The following SPAG9 variants were observed in gnomAD, a reference collection of about 807,000 sequenced individuals.
SPAG9 encodes the protein sperm associated antigen 9.
A neutral mutation model predicts 166.5 loss-of-function variants in SPAG9; 35 were observed. The ratio of observed to expected loss-of-function variants is 0.21; its 90% confidence interval spans 0.16 to 0.28. The LOEUF is 0.28. Among genes scored for constraint, SPAG9 ranks in the 10% least tolerant of loss-of-function variants. The pLI, the probability that SPAG9 is intolerant of heterozygous loss-of-function variation, is 1.00. For missense variants in SPAG9, 1,235 were observed against 1,603.3 expected, an observed-to-expected ratio of 0.77 and a Z score of 3.92; for synonymous variants, 534 against 565.5, an observed-to-expected ratio of 0.94 and a Z score of 0.79.
At position 51,006,123 on chromosome 17, in the gene SPAG9, T is replaced by C. The variant is rs752183226; in HGVS notation, c.1386A>G (p.Leu462=). ...LEAVKQAKLK[L]EEKNRELEEE... is the part of the protein sequence containing the mutation. ...CCTCCAATTCTCTGTTCTTTTCCTCTAGTTTCAGTTTGGCTTGCTTCACAG... is the reference window on the plus strand; with the variant it reads ...CCTCCAATTCTCTGTTCTTTTCCTCCAGTTTCAGTTTGGCTTGCTTCACAG... The change falls in exon 11 of 30, where the codon CTA becomes CTG. Residue 462 remains leucine, a synonymous_variant. Transcript: ENST00000262013. 94 of 1,614,120 alleles carry C rather than the reference T, an allele frequency of 5.8e-5. No individual in the cohort carries two copies. The East Asian group carries it at 2.1e-3, about 36-fold the overall frequency.
rs1051360942 is a variant in SPAG9, at chr17:51,120,719, A to C, written c.-63T>G. On this transcript the variant is annotated 5_prime_UTR_variant, in exon 1 of 30. Coordinates refer to ENST00000262013, the MANE Select transcript of SPAG9 (RefSeq NM_001130528.3). The surrounding 1 kb of genome is among the most constrained non-coding windows in gnomAD (Gnocchi z 4.7). ...CGGCAGAGGGGCGGCACCTGCCCGCACGGGACGGACCCGACTCGGGCTGGG... is the reference window on the plus strand; with the variant it reads ...CGGCAGAGGGGCGGCACCTGCCCGCCCGGGACGGACCCGACTCGGGCTGGG... The C allele has an allele frequency of 4.2e-6, 6 of 1,422,272 alleles. No homozygotes were observed. In the Admixed American group the frequency reaches 6.2e-5, roughly 15 times the overall value. 88.1% of individuals were successfully genotyped at this position (1,422,272 alleles called of 1,614,324 possible).
intron 19 of SPAG9, among the ~76,000 whole-genome samples, chr17:50,991,196 C>T (rs1167718786): frequency 6.6e-6 from 1 of 152,076 alleles, no homozygotes. Flanking sequence ...GCCACCACGC[C>T]TAGCCAGCTT....
chr17:51,116,968 T>C (rs1347443550), intron 1 of SPAG9, among the ~76,000 whole-genome samples: 1 of 152,036 alleles, frequency 6.6e-6, no homozygotes, highest in African/African-American at 2.4e-5. Flanking sequence ...GGTTAAAGAA[T>C]GGAGAGGTGT....
chr17:51,053,855 G>GTATGTATATA (rs1555650770), intron 3 of SPAG9, among the ~76,000 whole-genome samples: 6 of 37,748 alleles, frequency 1.6e-4, no homozygotes, highest in African/African-American at 5.3e-4. Context: ...AAAAAAAAAA[G>GTATGTATATA]TATATATATA....
rs780752832 is a variant in SPAG9 at position 50,979,743 on chromosome 17, T to C, written c.3409+3A>G. ...GTAAAGATAAAACGCGTTGGAAGCT[T>C]ACCTAACATTTTGCTTACATAAGGC... is the stretch of plus-strand genomic sequence containing the variant. On this transcript the variant is annotated splice_donor_region_variant and intron_variant, in intron 26 of 29. Coordinates refer to ENST00000262013, the MANE Select transcript of SPAG9 (RefSeq NM_001130528.3). The C allele has an allele frequency of 4.4e-6, 7 of 1,604,830 alleles. No homozygotes were observed. Among genetic ancestry groups the C allele is most frequent in the Non-Finnish European group, 1.7e-6 (2 of 1,172,110 alleles).
chr17:51,041,209 G>A (rs1376476491), intron 5 of SPAG9, among the ~76,000 whole-genome samples: 1 of 152,080 alleles, frequency 6.6e-6, no homozygotes, highest in Non-Finnish European at 1.5e-5. Context: ...AGGTTCACTA[G>A]TTACCCTACT....
chr17:51,103,036 T>C (rs1274076401), intron 1 of SPAG9, among the ~76,000 whole-genome samples: 2 of 152,138 alleles, frequency 1.3e-5, no homozygotes, highest in African/African-American at 4.8e-5. Context: ...AGGTAAAGTG[T>C]CTGAAATAAG....
chr17:51,065,547 C>A (rs944240870), intron 2 of SPAG9, among the ~76,000 whole-genome samples: 73 of 152,146 alleles, frequency 4.8e-4, no homozygotes, highest in African/African-American at 1.6e-3. Context: ...AAAGAATAGG[C>A]AGATGGTTGC....
chr17:51,037,685 A>ATATATATAGTGTGT lies in SPAG9; in HGVS notation c.741+3815_741+3816insACACACTATATATA. ...GTGTTTTATATATATATATATATAT[A>ATATATATAGTGTGT]GTGTGTGTGTGTGTGTGTGTGTGTG... On this transcript the variant is annotated intron_variant, in intron 5 of 29. Transcript: ENST00000262013. 5.5e-3 allele frequency among the ~76,000 whole-genome samples: 459 copies of ATATATATAGTGTGT among 83,450 alleles called. 8 individuals are homozygous for ATATATATAGTGTGT. The highest frequency in any genetic ancestry group is 0.016 in the African/African-American group (418 of 25,508). 54.7% of individuals were successfully genotyped at this position (83,450 alleles called of 152,430 possible).
At chr17:51,037,685 A>ATATATATATT in intron 5 of SPAG9, among the ~76,000 whole-genome samples, 7 of 83,492 alleles carry the variant, frequency 8.4e-5, no homozygotes, top group Admixed American at 1.4e-4. Flanking sequence ...ATATATATAT[A>ATATATATATT]GTGTGTGTGT....
intron 9 of SPAG9, among the ~76,000 whole-genome samples, chr17:51,012,380 G>T (rs1269459150): frequency 6.6e-6 from 1 of 152,040 alleles, no homozygotes; most frequent in Non-Finnish European, 1.5e-5. Flanking sequence ...GACCAGCCTG[G>T]CCAGTATAGT....
intron 1 of SPAG9, among the ~76,000 whole-genome samples, chr17:51,095,070 T>C (rs1381748757): frequency 6.8e-6 from 1 of 147,708 alleles, no homozygotes; most frequent in Non-Finnish European, 1.5e-5. Context: ...CCGAGGTGCA[T>C]GGATCACGAG....
chr17:51,107,086 C>T lies in SPAG9; in HGVS notation c.303+13268G>A, dbSNP rs149116380. ...CACTGCACTCTAGCCTGGGCAAGAGCGAGTGCTCCATCTCAAAAAAAAAAA... is the reference window on the plus strand; with the variant it reads ...CACTGCACTCTAGCCTGGGCAAGAGTGAGTGCTCCATCTCAAAAAAAAAAA... On this transcript the variant is annotated intron_variant, in intron 1 of 29. Coordinates refer to ENST00000262013, the MANE Select transcript of SPAG9 (RefSeq NM_001130528.3). Among the ~76,000 whole-genome samples the T allele has an allele frequency of 8.6e-4, 127 of 146,834 alleles. 1 individual carries two copies. Among genetic ancestry groups the T allele is most frequent in the African/African-American group, 3.1e-3 (121 of 39,450 alleles).
intron 1 of SPAG9, among the ~76,000 whole-genome samples, chr17:51,119,838 T>G (rs983260999): frequency 2.6e-5 from 4 of 152,130 alleles, no homozygotes. Context: ...TAAGACGTCT[T>G]TCTCAACAAG....
chr17:51,050,438 C>T (rs1466299623), intron 3 of SPAG9, among the ~76,000 whole-genome samples: 1 of 152,220 alleles, frequency 6.6e-6, no homozygotes, highest in Admixed American at 6.5e-5. Flanking sequence ...ACTAACTTTT[C>T]AAGTTGTCAC....
chr17:51,026,016 A>T (rs1226572014), intron 6 of SPAG9, among the ~76,000 whole-genome samples: 1 of 152,208 alleles, frequency 6.6e-6, no homozygotes, highest in African/African-American at 2.4e-5. Flanking sequence ...TATTGAGTTC[A>T]TCTATATGAG....
intron 2 of SPAG9, among the ~76,000 whole-genome samples, chr17:51,077,097 T>TATCTAG (rs1568065850): frequency 1.7e-5 from 2 of 115,668 alleles, no homozygotes; most frequent in Non-Finnish European, 3.8e-5. Flanking sequence ...TAGCTATCTA[T>TATCTAG]CTAGCTAGCT....
chr17:51,075,195 CAAAAAA>C (rs57533555), intron 2 of SPAG9, among the ~76,000 whole-genome samples: 12 of 28,966 alleles, frequency 4.1e-4, no homozygotes, highest in South Asian at 5.5e-3. Context: ...GACTCCATCT[CAAAAAA>C]AAAAAAAAAA....
intron 12 of SPAG9, among the ~76,000 whole-genome samples, chr17:51,002,462 T>C (rs1466326799): frequency 6.6e-6 from 1 of 152,084 alleles, no homozygotes; most frequent in Non-Finnish European, 1.5e-5. Flanking sequence ...CTTAAAAATA[T>C]ATAAAAAATA....
Sources: allele counts gnomAD v4.1 joint callset (sites outside exome capture counted in the v4.1 genomes callset), GRCh38; gene constraint gnomAD v4.1.1; non-coding constraint Gnocchi (gnomAD v3.1); transcripts MANE v1.5; gene names NCBI Gene and HGNC (gene_info 2026-07-23, HGNC 2026-07-21).